The following SLC1A1 variants were observed in gnomAD, a reference collection of about 807,000 sequenced individuals.
SLC1A1 encodes the protein solute carrier family 1 member 1.
In SLC1A1, 43 loss-of-function variants were observed where a neutral mutation model predicts 53.3. That is an observed-to-expected ratio of 0.81 (90% CI 0.63 to 1.04). The LOEUF is 1.04. Ranked by LOEUF, SLC1A1 falls within the 50% of genes least tolerant of loss-of-function variation. The pLI, the probability that SLC1A1 is intolerant of heterozygous loss-of-function variation, is 0.00. For missense variants in SLC1A1, 748 were observed against 664.9 expected, an observed-to-expected ratio of 1.12 and a Z score of -1.37; for synonymous variants, 307 against 243.2, an observed-to-expected ratio of 1.26 and a Z score of -2.44.
At chr9:4,523,322 A>T (rs4742003) in intron 1 of SLC1A1, among the ~76,000 whole-genome samples, 1 of 151,864 alleles carries the variant, frequency 6.6e-6, no homozygotes, top group Admixed American at 6.6e-5. Flanking sequence ...TCACATTGGA[A>T]ATAATTTCAG....
rs916577266 is a variant in SLC1A1 at position 4,583,315 on chromosome 9, A to G, written c.1328+143A>G. 9.8e-7 allele frequency: 1 copy of G among 1,019,062 alleles called. No homozygotes were observed. The highest frequency in any genetic ancestry group is 1.6e-5 in the African/African-American group (1 of 63,718). The allele number at this position is 1,019,062 out of a possible 1,614,324, so 63.1% of individuals were successfully genotyped here. Reference sequence around the variant, plus strand: ...GCTTTAATTTTCCTCTGACCAGGCCATCTGATAACATGCCTAAAAATTAAC... The same window carrying G: ...GCTTTAATTTTCCTCTGACCAGGCCGTCTGATAACATGCCTAAAAATTAAC... On this transcript the variant is annotated intron_variant, in intron 11 of 11. Transcript: ENST00000262352. This position sits in a 1 kb window ranked among gnomAD's most constrained non-coding sequence, Gnocchi z 4.6.
At chr9:4,550,119 A>G (rs1490636877) in intron 2 of SLC1A1, among the ~76,000 whole-genome samples, 1 of 152,176 alleles carries the variant, frequency 6.6e-6, no homozygotes, top group African/African-American at 2.4e-5. Flanking sequence ...TGCTTCCTGG[A>G]CAAGTCACAT....
intron 1 of SLC1A1, among the ~76,000 whole-genome samples, chr9:4,540,179 A>G (rs1441592100): frequency 2.0e-5 from 3 of 152,108 alleles, no homozygotes; most frequent in Admixed American, 6.5e-5. Context: ...ATGGCTTGAC[A>G]GTGTTACCTC....
At chr9:4,551,389 A>C (rs1817915800) in intron 2 of SLC1A1, among the ~76,000 whole-genome samples, 1 of 152,138 alleles carries the variant, frequency 6.6e-6, no homozygotes, top group South Asian at 2.1e-4. Flanking sequence ...ACAGAAAACC[A>C]GGTATAAGAG....
At position 4,583,882 on chromosome 9, in the gene SLC1A1, T is replaced by TCACACACACA. The variant is rs113177004; in HGVS notation, c.1328+731_1328+740dup. On this transcript the variant is annotated intron_variant, in intron 11 of 11. Coordinates refer to ENST00000262352, the MANE Select transcript of SLC1A1 (RefSeq NM_004170.6). The surrounding 1 kb of genome is among the most constrained non-coding windows in gnomAD (Gnocchi z 4.6). ...CTCTCTCTCTCTCTCTCTCTCTCTC[T>TCACACACACA]CACACACACACACACACACACACAC... Among the ~76,000 whole-genome samples the TCACACACACA allele has an allele frequency of 5.0e-4, 69 of 137,042 alleles. No homozygotes were observed. In the Middle Eastern group the frequency reaches 0.011, roughly 22 times the overall value. The allele number at this position is 137,042 out of a possible 152,430, so 89.9% of individuals were successfully genotyped here. A position where few individuals can be genotyped will look rare whatever the true frequency, so the allele number is the denominator to read the frequency against.
chr9:4,547,146 T>C (rs1172387524), intron 2 of SLC1A1, among the ~76,000 whole-genome samples: 1 of 152,266 alleles, frequency 6.6e-6, no homozygotes, highest in African/African-American at 2.4e-5. Flanking sequence ...TTTGGTTTTT[T>C]TTCTGGGAAG....
At chr9:4,579,710 G>C (rs1820880795) in intron 10 of SLC1A1, among the ~76,000 whole-genome samples, 1 of 152,184 alleles carries the variant, frequency 6.6e-6, no homozygotes, top group African/African-American at 2.4e-5. Flanking sequence ...AGTTGGTTTT[G>C]CTTGACAGTT....
chr9:4,582,252 T>C lies in SLC1A1; in HGVS notation c.1194-786T>C, dbSNP rs927523625. Among the ~76,000 whole-genome samples the C allele has an allele frequency of 2.0e-5, 3 of 152,220 alleles. No individual in the cohort carries two copies. The East Asian group carries it at 5.8e-4, about 29-fold the overall frequency. ...CCTCAGCTGATCTTACCAAGAGGGA[T>C]CTTTTTAAATACCTGGTAATAAAGT... On this transcript the variant is annotated intron_variant, in intron 10 of 11. Transcript: ENST00000262352.
At chr9:4,497,123 T>A (rs1418740481) in intron 1 of SLC1A1, among the ~76,000 whole-genome samples, 1 of 151,658 alleles carries the variant, frequency 6.6e-6, no homozygotes, top group African/African-American at 2.4e-5. Flanking sequence ...CGGGTGGTTT[T>A]AAAAAACAGA....
At chr9:4,584,964 G>C (rs764320674) in intron 11 of SLC1A1, among the ~76,000 whole-genome samples, 28 of 152,102 alleles carry the variant, frequency 1.8e-4, no homozygotes, top group Non-Finnish European at 1.6e-4. Context: ...CATTTGCATT[G>C]AATCTAGAAA....
Position 4,585,420 on chromosome 9 carries a change from C to G in SLC1A1, c.1437C>G (p.Val479=). 1 of 1,614,208 alleles carries G rather than the reference C, an allele frequency of 6.2e-7. No homozygotes were observed. Among genetic ancestry groups the G allele is most frequent in the African/African-American group, 1.3e-5 (1 of 75,052 alleles). Residue 479 remains valine, a synonymous_variant, in exon 12 of 12, where the codon GTC becomes GTG. Transcript: ENST00000262352. ...ELEQMDVSSE[V]NIVNPFALES... The stretch of plus-strand genomic sequence containing the variant: ...AGCAGATGGATGTTTCATCTGAAGT[C>G]AACATTGTGAATCCCTTTGCCTTGG...
chr9:4,502,748 C>T (rs368021143), intron 1 of SLC1A1, among the ~76,000 whole-genome samples: 1 of 151,796 alleles, frequency 6.6e-6, no homozygotes, highest in Non-Finnish European at 1.5e-5. Context: ...CCTTGATACA[C>T]CTACACCTAA....
chr9:4,529,375 T>C (rs761348693), intron 1 of SLC1A1, among the ~76,000 whole-genome samples: 88 of 152,200 alleles, frequency 5.8e-4, no homozygotes, highest in Admixed American at 1.4e-3. Flanking sequence ...ATTTCTGACC[T>C]TTAAGCCTTT....
intron 11 of SLC1A1, among the ~76,000 whole-genome samples, 187 bp from the exon 12 acceptor site, chr9:4,585,125 G>T (rs1329606557): frequency 6.6e-6 from 1 of 152,168 alleles, no homozygotes; most frequent in Non-Finnish European, 1.5e-5. Flanking sequence ...CTACTTTGGG[G>T]GAGCTCATGC....
At chr9:4,498,553 T>C (rs1252108162) in intron 1 of SLC1A1, among the ~76,000 whole-genome samples, 1 of 151,844 alleles carries the variant, frequency 6.6e-6, no homozygotes, top group South Asian at 2.1e-4. Context: ...AAAAAAAGCA[T>C]AGTTATTCAT....
At chr9:4,576,463 C>T in intron 9 of SLC1A1, 106 bp from the exon 10 acceptor site, 1 of 918,886 alleles carries the variant, frequency 1.1e-6, no homozygotes, top group East Asian at 2.4e-5. Context: ...GACAAGATTA[C>T]CTAAAAGGAC....
chr9:4,554,958 A>T (rs1290062417), intron 2 of SLC1A1, among the ~76,000 whole-genome samples: 1 of 152,252 alleles, frequency 6.6e-6, no homozygotes, highest in Non-Finnish European at 1.5e-5. Context: ...TGTTCTGGGC[A>T]CTGTACTAGG....
intron 1 of SLC1A1, among the ~76,000 whole-genome samples, chr9:4,536,838 A>G (rs1330525821): frequency 6.6e-6 from 1 of 152,302 alleles, no homozygotes. Flanking sequence ...TGTGGCACAT[A>G]TACACCATGG....
At chr9:4,515,521 T>C (rs1821132752) in intron 1 of SLC1A1, among the ~76,000 whole-genome samples, 1 of 151,996 alleles carries the variant, frequency 6.6e-6, no homozygotes, top group South Asian at 2.1e-4. Flanking sequence ...CAGATAGAGA[T>C]GGAAATGGAA....
Sources: allele counts gnomAD v4.1 joint callset (sites outside exome capture counted in the v4.1 genomes callset), GRCh38; gene constraint gnomAD v4.1.1; non-coding constraint Gnocchi (gnomAD v3.1); transcripts MANE v1.5; gene names NCBI Gene and HGNC (gene_info 2026-07-23, HGNC 2026-07-21).